Variants in NAT10 observed in about 807,000 individuals in gnomAD.
The protein encoded by NAT10 is RNA cytidine acetyltransferase.
NAT10 carries 109 observed loss-of-function variants against 132.2 expected under a neutral mutation model. The ratio of observed to expected loss-of-function variants is 0.82; its 90% confidence interval spans 0.71 to 0.97. NAT10 has a LOEUF of 0.97. NAT10 is among the 50% of genes least tolerant of loss of function. The pLI is 0.00. For synonymous variants in NAT10, 479 were observed against 478.0 expected (o/e 1.00, Z -0.03); for missense variants, 1,184 against 1,263.4 (o/e 0.94, Z 0.95).
intron 19 of NAT10, among the ~76,000 whole-genome samples, chr11:34,136,054 C>T (rs1379269149): frequency 1.3e-5 from 2 of 151,840 alleles, no homozygotes; most frequent in Non-Finnish European, 2.9e-5. Flanking sequence ...ATCACAGGAG[C>T]CTGCCTGTCC....
Position 34,142,305 on chromosome 11 carries a change from C to T in NAT10, c.2842C>T (p.His948Tyr). Residue 948 changes from histidine (H) to tyrosine (Y), a missense_variant, in exon 27 of 29, where the codon CAC (histidine) becomes TAC (tyrosine). Physicochemically the swap from His to Tyr is moderately conservative, Grantham distance 83 (BLOSUM62 2). Coordinates refer to ENST00000257829, the MANE Select transcript of NAT10 (RefSeq NM_024662.3). ...DEAAKEFQEK[H>Y]KKEVGKLKSM... ...AGCAGCAAAGGAATTTCAGGAGAAA[C>T]ACAAGAAGGAAGTAGGGAAGCTGAA... 1 of 1,614,086 alleles carries T rather than the reference C, an allele frequency of 6.2e-7. No homozygotes were observed. The highest frequency in any genetic ancestry group is 8.5e-7 in the Non-Finnish European group (1 of 1,180,008).
rs771343613 is a variant in NAT10 at position 34,146,211 on chromosome 11, T to C, written c.*19T>C. The stretch of plus-strand genomic sequence containing the variant: ...GAAATAGTGAAGAGAAACTCGGGCA[T>C]CTGTGTTTGATCATGGGAAGATACT... On this transcript the variant is annotated 3_prime_UTR_variant, in exon 29 of 29. Coordinates refer to ENST00000257829, the MANE Select transcript of NAT10 (RefSeq NM_024662.3). 3 of 1,538,122 alleles carry C rather than the reference T, an allele frequency of 2.0e-6. No homozygotes were observed. The highest frequency in any genetic ancestry group is 2.4e-5 in the South Asian group (2 of 84,576).
chr11:34,126,302 G>A (rs1851993109), intron 11 of NAT10, among the ~76,000 whole-genome samples: 1 of 152,138 alleles, frequency 6.6e-6, no homozygotes, highest in African/African-American at 2.4e-5. Context: ...TGATACTGGT[G>A]TGTGTCCTTT....
chr11:34,107,732 C>T (rs1851619873), intron 1 of NAT10, among the ~76,000 whole-genome samples: 1 of 152,146 alleles, frequency 6.6e-6, no homozygotes, highest in African/African-American at 2.4e-5. Context: ...TCGAGACCAT[C>T]CTGGCCAACA....
chr11:34,142,809 C>T (rs1852361554), intron 27 of NAT10, among the ~76,000 whole-genome samples: 1 of 152,208 alleles, frequency 6.6e-6, no homozygotes, highest in Non-Finnish European at 1.5e-5. Flanking sequence ...CTGCCTCTCC[C>T]TCCACTGCCT....
At position 34,130,800 on chromosome 11, in the gene NAT10, C is replaced by G; in HGVS notation, c.1245-13C>G. 1.2e-6 allele frequency: 2 copies of G among 1,613,754 alleles called. No individual in the cohort carries two copies. The highest frequency in any genetic ancestry group is 1.7e-6 in the Non-Finnish European group (2 of 1,179,780). ...GGGACCTTGTGCCTGATTCCTTTTG[C>G]CTTTGTTTCTAGCTATGAGGGCACT... On this transcript the variant is annotated splice_polypyrimidine_tract_variant and intron_variant, in intron 12 of 28. Transcript: ENST00000257829.
intron 20 of NAT10, 53 bp downstream of exon 20, chr11:34,136,828 A>G: frequency 6.2e-7 from 1 of 1,613,390 alleles, no homozygotes; most frequent in Non-Finnish European, 8.5e-7. Flanking sequence ...GAGAAAGAAG[A>G]GTTCTGTGGG....
chr11:34,110,047 G>A (rs137950059), intron 3 of NAT10, among the ~76,000 whole-genome samples: 3 of 152,216 alleles, frequency 2.0e-5, no homozygotes, highest in Non-Finnish European at 4.4e-5. Context: ...GTTTGGATGG[G>A]GTGGGTAGTG....
chr11:34,108,760 A>T lies in NAT10; in HGVS notation c.127A>T (p.Met43Leu). The change falls in exon 3 of 29, where the codon ATG becomes TTG. Residue 43 changes from methionine (M) to leucine (L), a missense_variant. By Grantham distance (15) the Met-to-Leu change is conservative (BLOSUM62 2). Coordinates refer to ENST00000257829, the MANE Select transcript of NAT10 (RefSeq NM_024662.3). ...GKDQVVILHH[M>L]LSKATVKARP... ...TTGGCAGGTGGTAATACTTCATCACATGTTATCCAAAGCAACTGTGAAGGC... is the reference window on the plus strand; with the variant it reads ...TTGGCAGGTGGTAATACTTCATCACTTGTTATCCAAAGCAACTGTGAAGGC... 4 of 1,613,202 alleles carry T rather than the reference A, an allele frequency of 2.5e-6. No individual in the cohort carries two copies. Among genetic ancestry groups the T allele is most frequent in the Non-Finnish European group, 3.4e-6 (4 of 1,179,776 alleles).
chr11:34,123,919 C>T (rs1851939671), intron 10 of NAT10, 64 bp downstream of exon 10: 3 of 1,359,678 alleles, frequency 2.2e-6, no homozygotes, highest in Non-Finnish European at 3.1e-6. Flanking sequence ...CCTGTAATCC[C>T]AGCACTTTGG....
At chr11:34,112,005 TG>T in intron 3 of NAT10, 46 bp from the exon 4 acceptor site, 2 of 1,605,258 alleles carry the variant, frequency 1.2e-6, no homozygotes, top group South Asian at 2.2e-5. Flanking sequence ...GCTCTTTAGC[TG>T]CTCTGGTTAA....
At chr11:34,116,838 G>A (rs547902964) in intron 6 of NAT10, among the ~76,000 whole-genome samples, 20 of 152,204 alleles carry the variant, frequency 1.3e-4, no homozygotes, top group African/African-American at 4.6e-4. Flanking sequence ...CAAGTGATCT[G>A]CCCCACTCAG....
intron 20 of NAT10, 23 bp from the exon 21 acceptor site, chr11:34,136,955 C>G: frequency 1.2e-6 from 2 of 1,614,150 alleles, no homozygotes; most frequent in Non-Finnish European, 1.7e-6. Context: ...ACACAGTGAC[C>G]TACTGTCTTT....
chr11:34,105,930 T>A (rs1433484616), intron 1 of NAT10, 138 bp downstream of exon 1: 1 of 152,292 alleles, frequency 6.6e-6, no homozygotes, highest in East Asian at 1.9e-4. Context: ...CCTCCACCCC[T>A]CTTTTGGGGC....
At chr11:34,139,869 A>C (rs1415504885) in intron 23 of NAT10, among the ~76,000 whole-genome samples, 1 of 152,230 alleles carries the variant, frequency 6.6e-6, no homozygotes, top group Non-Finnish European at 1.5e-5. Flanking sequence ...AACAGCACAC[A>C]GAAGTGCTTT....
chr11:34,107,272 T>G (rs1358396701), intron 1 of NAT10: 1 of 152,222 alleles, frequency 6.6e-6, no homozygotes. Context: ...CCTCCCAAAG[T>G]GCTGGGCTTA....
At chr11:34,108,610 G>A (rs1421546246) in intron 2 of NAT10, 132 bp from the exon 3 acceptor site, 7 of 845,924 alleles carry the variant, frequency 8.3e-6, no homozygotes, top group Middle Eastern at 2.3e-4. Context: ...GTCATTGCTC[G>A]CCTTAGAACC....
rs184935331 is a variant in NAT10, at chr11:34,134,022, G to T, written c.1735-297G>T. ...AAAAAAAAATACAAAAAATAAGCCG[G>T]GTGTGGTGGTAGGCACCTGTAGTCC... On this transcript the variant is annotated intron_variant, in intron 16 of 28. Coordinates refer to ENST00000257829, the MANE Select transcript of NAT10 (RefSeq NM_024662.3). 4.0e-3 allele frequency among the ~76,000 whole-genome samples: 607 copies of T among 152,120 alleles called. 2 individuals carry two copies. Among genetic ancestry groups the T allele is most frequent in the African/African-American group, 0.014 (567 of 41,498 alleles).
At chr11:34,111,230 G>T (rs1851688966) in intron 3 of NAT10, among the ~76,000 whole-genome samples, 1 of 152,220 alleles carries the variant, frequency 6.6e-6, no homozygotes, top group Non-Finnish European at 1.5e-5. Context: ...AGAGCATTGT[G>T]TTCAAGCTAA....
Sources: allele counts gnomAD v4.1 joint callset (sites outside exome capture counted in the v4.1 genomes callset), GRCh38; gene constraint gnomAD v4.1.1; transcripts MANE v1.5; gene names NCBI Gene and HGNC (gene_info 2026-07-23, HGNC 2026-07-21).